The following STARD9 variants were observed in gnomAD, a reference collection of about 807,000 sequenced individuals.
STARD9 encodes StAR related lipid transfer domain containing 9.
In STARD9, 346 loss-of-function variants were observed where a neutral mutation model predicts 399.8. The observed-to-expected ratio is 0.87, with a 90% CI of 0.79 to 0.95. The LOEUF (loss-of-function observed/expected upper bound fraction) is 0.95. Ranked by LOEUF, STARD9 falls within the 40% of genes least tolerant of loss-of-function variation. The pLI, the probability that STARD9 is intolerant of heterozygous loss-of-function variation, is 0.00. For missense variants in STARD9, 5,832 were observed against 5,667.5 expected (o/e 1.03, Z -0.93); for synonymous variants, 2,203 against 2,143.5 (o/e 1.03, Z -0.77).
intron 26 of STARD9, among the ~76,000 whole-genome samples, chr15:42,699,870 C>T (rs1240300366): frequency 6.6e-6 from 1 of 151,986 alleles, no homozygotes; most frequent in African/African-American, 2.4e-5. Context: ...CCACACCCAA[C>T]TAATTTTTGT....
chr15:42,717,669 C>T, intron 28 of STARD9, 62 bp from the exon 29 acceptor site: 1 of 1,436,374 alleles, frequency 7.0e-7, no homozygotes, highest in Non-Finnish European at 9.5e-7. Context: ...GCCAGACTGA[C>T]TAACCCAGGG....
intron 20 of STARD9, among the ~76,000 whole-genome samples, chr15:42,677,349 G>A (rs959469486): frequency 6.6e-6 from 1 of 152,228 alleles, no homozygotes; most frequent in Admixed American, 6.5e-5. Flanking sequence ...AGTGAAGGAT[G>A]CTACAACAGA....
Position 42,687,507 on chromosome 15 carries a change from G to T in STARD9, c.5929G>T (p.Glu1977Ter). ...AACCCCTAAGTGGGAAGGGAAAAAT[G>T]AAACTGGGCTTCTTGAAAAAGGTCT... ...GPTPKWEGKN[E>*]TGLLEKGLRP... The change falls in exon 23 of 33, where the codon GAA becomes TAA. Residue 1977 changes from glutamate to a stop codon, truncating the protein, a stop_gained. Transcript: ENST00000290607. LOFTEE classifies it high-confidence loss of function. The T allele has an allele frequency of 6.5e-7, 1 of 1,537,130 alleles. No homozygotes were observed. Among genetic ancestry groups the T allele is most frequent in the East Asian group, 2.4e-5 (1 of 40,922 alleles).
chr15:42,653,880 CA>C (rs1351840048), intron 9 of STARD9, among the ~76,000 whole-genome samples: 1 of 152,056 alleles, frequency 6.6e-6, no homozygotes, highest in African/African-American at 2.4e-5. Flanking sequence ...CATAAAACCA[CA>C]ATTGTAACAA....
intron 7 of STARD9, among the ~76,000 whole-genome samples, chr15:42,643,804 C>T (rs2059591739): frequency 6.6e-6 from 1 of 152,148 alleles, no homozygotes; most frequent in South Asian, 2.1e-4. Context: ...GTAAGCATGA[C>T]TTTAGCTGTA....
intron 3 of STARD9, among the ~76,000 whole-genome samples, chr15:42,633,048 A>G (rs556449149): frequency 1.6e-4 from 24 of 151,186 alleles, no homozygotes; most frequent in Middle Eastern, 3.4e-3. Flanking sequence ...GGGCCAAGGT[A>G]GGGAGATCGT....
chr15:42,596,853 A>T (rs2058515837), intron 3 of STARD9, among the ~76,000 whole-genome samples: 2 of 152,226 alleles, frequency 1.3e-5, no homozygotes, highest in Non-Finnish European at 2.9e-5. Context: ...ATATTCGAAC[A>T]GTACAGAAGA....
rs2060610679 is a variant in STARD9, at chr15:42,688,325, G to A, written c.6747G>A (p.Val2249=). ...GLGSLEELET[V]KGFQESQVAE... ...GAAGTCTTGAGGAATTGGAGACTGT[G>A]AAAGGTTTTCAGGAAAGCCAAGTAG... The change falls in exon 23 of 33, where the codon GTG becomes GTA. Residue 2249 remains valine, a synonymous_variant. Coordinates refer to ENST00000290607, the MANE Select transcript of STARD9 (RefSeq NM_020759.3). 6.5e-7 allele frequency: 1 copy of A among 1,537,310 alleles called. No individual in the cohort carries two copies. The highest frequency in any genetic ancestry group is 1.4e-5 in the African/African-American group (1 of 73,050).
Position 42,665,787 on chromosome 15 carries a change from G to T in STARD9, c.1256G>T (p.Arg419Ile), listed in dbSNP as rs1250725294. The change falls in exon 15 of 33, where the codon AGA (arginine) becomes ATA (isoleucine). Residue 419 changes from arginine (R) to isoleucine (I), a missense_variant and splice_region_variant. This residue lies in a region of STARD9 where 5,828 missense variants were observed against 5,651.1 expected (regional missense o/e 1.03). Transcript: ENST00000290607. ...LKALLLSFEL[R>I]NFSSLSDENL... ...AAGCACATCTCTATCTTTGTGCAGA[G>T]AAACTTCAGTTCATTGAGTGATGAA... 6.5e-7 allele frequency: 1 copy of T among 1,537,030 alleles called. No individual in the cohort carries two copies. Among genetic ancestry groups the T allele is most frequent in the Admixed American group, 2.0e-5 (1 of 50,974 alleles).
chr15:42,625,989 T>C (rs943030860), intron 3 of STARD9, among the ~76,000 whole-genome samples: 3 of 152,158 alleles, frequency 2.0e-5, no homozygotes, highest in Non-Finnish European at 4.4e-5. Flanking sequence ...TGGTGCGATA[T>C]CGGCTCACTG....
chr15:42,619,013 A>C (rs1270362049), intron 3 of STARD9, among the ~76,000 whole-genome samples: 2 of 151,830 alleles, frequency 1.3e-5, no homozygotes, highest in Non-Finnish European at 1.5e-5. Context: ...TTTATAACAC[A>C]TTTTGTTTTC....
chr15:42,661,498 G>A (rs2059993000), intron 10 of STARD9, among the ~76,000 whole-genome samples: 1 of 152,044 alleles, frequency 6.6e-6, no homozygotes, highest in African/African-American at 2.4e-5. Flanking sequence ...AGGCTGGAGT[G>A]CAGTAGTATG....
Position 42,685,302 on chromosome 15 carries a change from A to G in STARD9, c.3724A>G (p.Ser1242Gly), listed in dbSNP as rs571138568. Residue 1242 changes from serine (S) to glycine (G), a missense_variant, in exon 23 of 33, where the codon AGT becomes GGT. Ser to Gly is a moderately conservative substitution (Grantham distance 56). Transcript: ENST00000290607. ...TETFWHLEDS[S>G]LPVMDQEAIC... is the part of the protein sequence containing the mutation. ...GACTTTTTGGCACCTGGAGGACTCT[A>G]GTCTGCCTGTAATGGACCAAGAGGC... The G allele has an allele frequency of 5.2e-6, 8 of 1,537,582 alleles. No homozygotes were observed. In the Admixed American group the frequency reaches 5.9e-5, roughly 11 times the overall value.
In STARD9 at chr15:42,695,182, C is replaced by T. The variant is rs1438945386; in HGVS notation, c.13005C>T (p.Asp4335=). 4 of 1,536,884 alleles carry T rather than the reference C, an allele frequency of 2.6e-6. No individual in the cohort carries two copies. Among genetic ancestry groups the T allele is most frequent in the Non-Finnish European group, 3.5e-6 (4 of 1,146,810 alleles). ...SVSRSAHTPS[D]IELMLQDYQQ... is the part of the protein sequence containing the mutation. ...CAAGGTCAGCTCACACACCCTCTGA[C>T]ATAGAGTTGATGCTGCAAGACTACC... The change falls in exon 25 of 33, where the codon GAC becomes GAT. Residue 4335 remains aspartate, a synonymous_variant. Coordinates refer to ENST00000290607, the MANE Select transcript of STARD9 (RefSeq NM_020759.3).
At chr15:42,584,730 A>G (rs983184252) in intron 2 of STARD9, among the ~76,000 whole-genome samples, 10 of 152,178 alleles carry the variant, frequency 6.6e-5, no homozygotes, top group African/African-American at 1.4e-4. Flanking sequence ...CTTCTGTCCA[A>G]TGTGGTGTCT....
intron 2 of STARD9, among the ~76,000 whole-genome samples, chr15:42,584,188 T>G (rs2058228374): frequency 6.6e-6 from 1 of 152,110 alleles, no homozygotes; most frequent in Non-Finnish European, 1.5e-5. Context: ...CTGAGGAAAC[T>G]GGCAAAACAG....
At chr15:42,669,063 G>A in intron 15 of STARD9, 95 bp from the exon 16 acceptor site, 2 of 1,100,176 alleles carry the variant, frequency 1.8e-6, no homozygotes, top group Non-Finnish European at 2.5e-6. Flanking sequence ...TAAGAAAGCA[G>A]TACCCTGGGG....
At chr15:42,614,857 C>G (rs1362355547) in intron 3 of STARD9, among the ~76,000 whole-genome samples, 2 of 151,672 alleles carry the variant, frequency 1.3e-5, no homozygotes, top group Non-Finnish European at 2.9e-5. Flanking sequence ...CCCAGCTACT[C>G]GGGAGGCTGA....
At chr15:42,598,340 T>G (rs931630916) in intron 3 of STARD9, among the ~76,000 whole-genome samples, 2 of 151,946 alleles carry the variant, frequency 1.3e-5, no homozygotes, top group Non-Finnish European at 2.9e-5. Flanking sequence ...CCAGCCTATA[T>G]TTTTAATGTA....
Sources: allele counts gnomAD v4.1 joint callset (sites outside exome capture counted in the v4.1 genomes callset), GRCh38; gene constraint gnomAD v4.1.1; regional missense constraint gnomAD v4.1.1; transcripts MANE v1.5; gene names NCBI Gene and HGNC (gene_info 2026-07-23, HGNC 2026-07-21).